Variants in ADAMTSL3 observed in about 807,000 individuals in gnomAD.
The protein encoded by ADAMTSL3 is ADAMTS like 3, also known as ADAMTS-like protein 3.
ADAMTSL3 carries 128 observed loss-of-function variants against 201.7 expected under a neutral mutation model. The observed-to-expected ratio is 0.63, with a 90% confidence interval of 0.55 to 0.73. The LOEUF is 0.73. Ranked by LOEUF, ADAMTSL3 falls within the 30% of genes least tolerant of loss-of-function variation. The pLI is 0.00. For missense variants in ADAMTSL3, 1,990 were observed against 2,119.6 expected, an observed-to-expected ratio of 0.94 and a Z score of 1.20; for synonymous variants, 738 against 748.4, an observed-to-expected ratio of 0.99 and a Z score of 0.23.
intron 9 of ADAMTSL3, among the ~76,000 whole-genome samples, chr15:83,879,686 GGT>G (rs751012099): frequency 7.5e-4 from 114 of 152,262 alleles, no homozygotes; most frequent in Non-Finnish European, 1.2e-3. Flanking sequence ...GGGAGAATGT[GGT>G]GTGTAGTCTT....
chr15:83,801,643 T>TATATAG (rs869117245), intron 4 of ADAMTSL3, among the ~76,000 whole-genome samples: 1 of 40,292 alleles, frequency 2.5e-5, no homozygotes, highest in Admixed American at 2.2e-4. Flanking sequence ...TATAAATATA[T>TATATAG]AAATATAAAT....
intron 7 of ADAMTSL3, among the ~76,000 whole-genome samples, chr15:83,853,662 A>G (rs1029799630): frequency 6.6e-6 from 1 of 152,178 alleles, no homozygotes; most frequent in African/African-American, 2.4e-5. Context: ...CTTCATTTGT[A>G]TATAGTGCAT....
intron 3 of ADAMTSL3, among the ~76,000 whole-genome samples, chr15:83,756,485 C>T (rs894332962): frequency 2.0e-5 from 3 of 152,078 alleles, no homozygotes; most frequent in African/African-American, 4.8e-5. Flanking sequence ...AAGAAAGACT[C>T]GCCCTCATGA....
Position 83,913,085 on chromosome 15 carries a change from T to C in ADAMTSL3, c.1701-7T>C. 6.2e-7 allele frequency: 1 copy of C among 1,611,832 alleles called. No individual in the cohort carries two copies. The highest frequency in any genetic ancestry group is 8.5e-7 in the Non-Finnish European group (1 of 1,178,438). On this transcript the variant is annotated splice_region_variant and splice_polypyrimidine_tract_variant and intron_variant, in intron 15 of 29. Coordinates refer to ENST00000286744, the MANE Select transcript of ADAMTSL3 (RefSeq NM_207517.3). ...TCCTTTTCTGGTGGCTTCCTGGTTT[T>C]CCCTAGGTTCATTCCAGAACCCTGG...
chr15:83,685,402 G>A (rs899247526), intron 2 of ADAMTSL3, among the ~76,000 whole-genome samples: 2 of 152,170 alleles, frequency 1.3e-5, no homozygotes, highest in African/African-American at 4.8e-5. Context: ...TGTATCCTAG[G>A]TGCCTGGGGC....
chr15:83,819,296 A>G (rs1166952243), intron 5 of ADAMTSL3, among the ~76,000 whole-genome samples: 1 of 151,956 alleles, frequency 6.6e-6, no homozygotes, highest in African/African-American at 2.4e-5. Context: ...TGACAAAGAA[A>G]CAACCACAAG....
intron 3 of ADAMTSL3, among the ~76,000 whole-genome samples, chr15:83,719,255 A>G (rs1332838915): frequency 2.0e-5 from 3 of 152,236 alleles, no homozygotes; most frequent in African/African-American, 7.2e-5. Flanking sequence ...AACCACCAAA[A>G]TCCAGACAGT....
intron 2 of ADAMTSL3, among the ~76,000 whole-genome samples, chr15:83,657,605 A>T (rs2061106149): frequency 6.6e-6 from 1 of 152,262 alleles, no homozygotes; most frequent in Non-Finnish European, 1.5e-5. Context: ...AAAAAAGTGA[A>T]AAACCAAACC....
chr15:83,826,977 G>A lies in ADAMTSL3; in HGVS notation c.600+6930G>A, dbSNP rs1485521143. On this transcript the variant is annotated intron_variant, in intron 6 of 29. Transcript: ENST00000286744. Reference sequence around the variant, plus strand: ...ATAGTGCCGTAATAAACATACGTGTGCCTGTGTCTTTATAGCAGCATGATT... The same window carrying A: ...ATAGTGCCGTAATAAACATACGTGTACCTGTGTCTTTATAGCAGCATGATT... Among the ~76,000 whole-genome samples the A allele has an allele frequency of 3.3e-5, 5 of 152,202 alleles. No homozygotes were observed. The East Asian group carries it at 7.7e-4, about 24-fold the overall frequency.
chr15:83,700,167 G>A (rs1328121654), intron 2 of ADAMTSL3, among the ~76,000 whole-genome samples: 1 of 152,150 alleles, frequency 6.6e-6, no homozygotes, highest in Non-Finnish European at 1.5e-5. Flanking sequence ...CACTATATGC[G>A]GGAAGCTGTT....
intron 21 of ADAMTSL3, among the ~76,000 whole-genome samples, chr15:83,985,787 C>A (rs1459547732): frequency 2.6e-5 from 4 of 152,080 alleles, no homozygotes; most frequent in African/African-American, 4.8e-5. Flanking sequence ...TGAACACCAC[C>A]ACCCCCAGCT....
chr15:83,783,723 G>C (rs1488996116), intron 4 of ADAMTSL3, among the ~76,000 whole-genome samples: 2 of 150,796 alleles, frequency 1.3e-5, no homozygotes, highest in Non-Finnish European at 3.0e-5. Flanking sequence ...TAATAGCCCT[G>C]AATACACATA....
At chr15:84,026,788 G>T (rs912753753) in intron 27 of ADAMTSL3, among the ~76,000 whole-genome samples, 1 of 152,004 alleles carries the variant, frequency 6.6e-6, no homozygotes, top group Non-Finnish European at 1.5e-5. Context: ...ATGAATCAGA[G>T]AACTAAATTT....
At chr15:83,787,209 C>G (rs1417299659) in intron 4 of ADAMTSL3, among the ~76,000 whole-genome samples, 4 of 152,162 alleles carry the variant, frequency 2.6e-5, no homozygotes, top group African/African-American at 9.7e-5. Context: ...CTCATGAATA[C>G]CGTTGTGAGA....
chr15:83,859,988 C>T (rs867058720), intron 8 of ADAMTSL3, among the ~76,000 whole-genome samples: 2 of 152,034 alleles, frequency 1.3e-5, no homozygotes, highest in Non-Finnish European at 2.9e-5. Flanking sequence ...CACAGGAAGA[C>T]CCCATCTCTA....
Position 83,831,764 on chromosome 15 carries a change from A to G in ADAMTSL3, c.601-6325A>G, listed in dbSNP as rs151138946. 1.5e-4 allele frequency among the ~76,000 whole-genome samples: 23 copies of G among 152,252 alleles called. No individual in the cohort carries two copies. In the East Asian group the frequency reaches 1.9e-3, roughly 13 times the overall value. On this transcript the variant is annotated intron_variant, in intron 6 of 29. Coordinates refer to ENST00000286744, the MANE Select transcript of ADAMTSL3 (RefSeq NM_207517.3). Reference sequence around the variant, plus strand: ...TCCCCTCCCCACCTCAAATACTTCAATTCCCCACAACTCTAAGCATTTGTG... The same window carrying G: ...TCCCCTCCCCACCTCAAATACTTCAGTTCCCCACAACTCTAAGCATTTGTG...
Position 83,981,771 on chromosome 15 carries a change from A to G in ADAMTSL3, c.2645-502A>G, listed in dbSNP as rs1470963345. On this transcript the variant is annotated intron_variant, in intron 20 of 29. Transcript: ENST00000286744. Reference sequence around the variant, plus strand: ...AGACCCTTCAAATACATTTGCTCACATTCCCACTCTCACTTCCTCCCTCAG... The same window carrying G: ...AGACCCTTCAAATACATTTGCTCACGTTCCCACTCTCACTTCCTCCCTCAG... Among the ~76,000 whole-genome samples the G allele has an allele frequency of 2.0e-5, 3 of 152,174 alleles. No homozygotes were observed. The East Asian group carries it at 5.8e-4, about 29-fold the overall frequency.
intron 19 of ADAMTSL3, among the ~76,000 whole-genome samples, chr15:83,969,080 C>A (rs914209196): frequency 6.6e-6 from 1 of 152,118 alleles, no homozygotes; most frequent in African/African-American, 2.4e-5. Context: ...TGCAGCAAAC[C>A]ACCATGGCAC....
rs185796468 is a variant in ADAMTSL3, at chr15:83,943,694, A to T, written c.2490+612A>T. On this transcript the variant is annotated intron_variant, in intron 19 of 29. Transcript: ENST00000286744. Reference sequence around the variant, plus strand: ...CACAGCTGGAAAAGTAGCAGAATCCACTTGTTTTGACTTTATTCCAAGAGT... The same window carrying T: ...CACAGCTGGAAAAGTAGCAGAATCCTCTTGTTTTGACTTTATTCCAAGAGT... Among the ~76,000 whole-genome samples, 3 of 152,284 alleles carry T rather than the reference A, an allele frequency of 2.0e-5. No individual in the cohort carries two copies. In the East Asian group the frequency reaches 5.8e-4, roughly 29 times the overall value.
Sources: gnomAD v4.1 joint callset for allele counts (sites outside exome capture counted in the v4.1 genomes callset) on GRCh38, gnomAD v4.1.1 for gene constraint, MANE v1.5 for transcripts, NCBI Gene and HGNC (gene_info 2026-07-23, HGNC 2026-07-21) for gene names.